The following PRR14L variants were observed in gnomAD, a reference collection of about 807,000 sequenced individuals.
The protein encoded by PRR14L is proline rich 14 like.
Under a neutral mutation model 155.0 loss-of-function variants are expected in PRR14L, and 80 were observed. The observed-to-expected ratio is 0.52, with a 90% CI of 0.43 to 0.62. The LOEUF (loss-of-function observed/expected upper bound fraction) is 0.62. PRR14L is among the 20% of genes least tolerant of loss of function. The pLI, the probability that PRR14L is intolerant of heterozygous loss-of-function variation, is 0.00. For synonymous variants in PRR14L, 883 were observed against 916.0 expected (o/e 0.96, Z 0.65); for missense variants, 2,469 against 2,548.0 (o/e 0.97, Z 0.67).
At chr22:31,688,895 T>TACACACACACACACAC (rs1170285977) in intron 7 of PRR14L, among the ~76,000 whole-genome samples, 56 of 136,282 alleles carry the variant, frequency 4.1e-4, no homozygotes, top group African/African-American at 1.6e-3. Context: ...TTAAAAAATA[T>TACACACACACACACAC]ATACATACAC....
chr22:31,727,530 C>T (rs995946187), intron 2 of PRR14L, among the ~76,000 whole-genome samples: 11 of 152,044 alleles, frequency 7.2e-5, no homozygotes, highest in East Asian at 1.9e-4. Flanking sequence ...CCACCATGCG[C>T]GGCTGATTAG....
intron 1 of PRR14L, among the ~76,000 whole-genome samples, chr22:31,748,326 A>C (rs147135505): frequency 3.8e-4 from 58 of 152,324 alleles, no homozygotes; most frequent in Non-Finnish European, 6.5e-4. Flanking sequence ...TTCATACACT[A>C]AACAGGGCAA....
At chr22:31,687,966 A>G (rs2074490899) in intron 8 of PRR14L, among the ~76,000 whole-genome samples, 190 bp downstream of exon 8, 1 of 148,482 alleles carries the variant, frequency 6.7e-6, no homozygotes, top group Non-Finnish European at 1.5e-5. Flanking sequence ...CAGGAGGCGG[A>G]GCTTGCAGTG....
At chr22:31,744,174 C>T (rs1230586989) in intron 1 of PRR14L, among the ~76,000 whole-genome samples, 1 of 151,074 alleles carries the variant, frequency 6.6e-6, no homozygotes. Context: ...CTCTTGTTGC[C>T]CAGGCTGGAG....
intron 4 of PRR14L, among the ~76,000 whole-genome samples, chr22:31,709,855 G>C (rs5998103): frequency 2.0e-5 from 3 of 150,880 alleles, no homozygotes. Context: ...GGATGGTCTC[G>C]ATCTCTTGAC....
chr22:31,731,868 C>G (rs898127217), intron 2 of PRR14L, among the ~76,000 whole-genome samples: 5 of 152,138 alleles, frequency 3.3e-5, no homozygotes, highest in Admixed American at 2.0e-4. Flanking sequence ...GTGGGCTACC[C>G]TCCCCATTGG....
At chr22:31,709,747 G>T (rs2074611406) in intron 4 of PRR14L, among the ~76,000 whole-genome samples, 1 of 150,760 alleles carries the variant, frequency 6.6e-6, no homozygotes, top group Non-Finnish European at 1.5e-5. Context: ...CCCCATGTTG[G>T]CCAGGCTGGT....
intron 7 of PRR14L, among the ~76,000 whole-genome samples, chr22:31,693,678 A>AT (rs1404203491): frequency 6.6e-6 from 1 of 152,152 alleles, no homozygotes; most frequent in Non-Finnish European, 1.5e-5. Flanking sequence ...ACCATTTTGC[A>AT]TTCCCACCAG....
In PRR14L at chr22:31,738,842, C is replaced by G. The variant is rs2074797424; in HGVS notation, c.19G>C (p.Glu7Gln). Reference protein sequence around the residue: MLSSGVETQPVPLDSSM... With the variant: MLSSGVQTQPVPLDSSM... ...GAATCAAGTGGAACTGGCTGAGTCTCTACTCCAGATGACAGCATTAGGACA... is the reference window on the plus strand; with the variant it reads ...GAATCAAGTGGAACTGGCTGAGTCTGTACTCCAGATGACAGCATTAGGACA... The change falls in exon 2 of 9, where the codon GAG (glutamate) becomes CAG (glutamine). Residue 7 changes from glutamate (E) to glutamine (Q), a missense_variant. This residue lies in a region of PRR14L where 2,363 missense variants were observed against 2,371.6 expected (regional missense o/e 1.00). Coordinates refer to ENST00000327423, the MANE Select transcript of PRR14L (RefSeq NM_173566.3). 4 of 1,542,746 alleles carry G rather than the reference C, an allele frequency of 2.6e-6. No homozygotes were observed. Among genetic ancestry groups the G allele is most frequent in the Non-Finnish European group, 1.7e-6 (2 of 1,146,480 alleles).
intron 3 of PRR14L, among the ~76,000 whole-genome samples, chr22:31,719,123 T>C (rs1480928547): frequency 6.6e-6 from 1 of 151,640 alleles, no homozygotes; most frequent in Non-Finnish European, 1.5e-5. Context: ...AATTCCTGAG[T>C]TTGATGCAGT....
intron 2 of PRR14L, among the ~76,000 whole-genome samples, chr22:31,737,241 G>A (rs1041381209): frequency 1.3e-5 from 2 of 151,674 alleles, no homozygotes; most frequent in African/African-American, 4.8e-5. Context: ...AACATTTTGG[G>A]AGGCCAAGAC....
chr22:31,739,192 A>C (rs1350026611), intron 1 of PRR14L, among the ~76,000 whole-genome samples: 1 of 152,252 alleles, frequency 6.6e-6, no homozygotes, highest in Non-Finnish European at 1.5e-5. Flanking sequence ...GTAGAAGAGA[A>C]TAAGACATGC....
chr22:31,693,813 C>T lies in PRR14L; in HGVS notation c.6108-5586G>A, dbSNP rs186602442. On this transcript the variant is annotated intron_variant, in intron 7 of 8. Transcript: ENST00000327423. ...GTGCTCCTGTTCATTAACACTATTT[C>T]GCTCTATTTAACCTGCTGTTAACCC... Among the ~76,000 whole-genome samples the T allele has an allele frequency of 2.5e-4, 38 of 152,280 alleles. No homozygotes were observed. The East Asian group carries it at 5.6e-3, about 22-fold the overall frequency.
chr22:31,703,274 T>C lies in PRR14L; in HGVS notation c.6000+276A>G, dbSNP rs1319415851. Among the ~76,000 whole-genome samples, 3 of 152,220 alleles carry C rather than the reference T, an allele frequency of 2.0e-5. No homozygotes were observed. The South Asian group carries it at 6.2e-4, about 31-fold the overall frequency. On this transcript the variant is annotated intron_variant, in intron 6 of 8. Transcript: ENST00000327423. ...TCACCATCCACTCATCTTCTTTGAA[T>C]GCACAAAGCAGCTCTTTCGTCCAAT...
In PRR14L at chr22:31,738,740, C is replaced by G; in HGVS notation, c.121G>C (p.Glu41Gln). The G allele has an allele frequency of 6.4e-7, 1 of 1,551,892 alleles. No individual in the cohort carries two copies. Among genetic ancestry groups the G allele is most frequent in the South Asian group, 1.2e-5 (1 of 84,052 alleles). ...TTTACATCTGGAATCACACTTGGCT[C>G]AGGGTCAGCATGAAGCTCTCTGGAG... ...SVSRELHADPEPSVIPDVKPG... is the reference protein window; with the variant it reads ...SVSRELHADPQPSVIPDVKPG... Residue 41 changes from glutamate (E) to glutamine (Q), a missense_variant, in exon 2 of 9, where the codon GAG (glutamate) becomes CAG (glutamine). Physicochemically the swap from Glu to Gln is conservative, Grantham distance 29. Transcript: ENST00000327423.
chr22:31,715,926 G>A lies in PRR14L; in HGVS notation c.1913C>T (p.Thr638Ile), dbSNP rs2074656367. 3.9e-6 allele frequency: 6 copies of A among 1,551,484 alleles called. No homozygotes were observed. The highest frequency in any genetic ancestry group is 1.4e-5 in the African/African-American group (1 of 73,026). ...IACEMNELSC[T>I]NELVVNKVES... is the part of the protein sequence containing the mutation. Reference sequence around the variant, plus strand: ...TACTTTGTTTACAACCAGTTCATTGGTACAAGAAAGTTCATTCATCTCACA... The same window carrying A: ...TACTTTGTTTACAACCAGTTCATTGATACAAGAAAGTTCATTCATCTCACA... The change falls in exon 4 of 9, where the codon ACC becomes ATC. Residue 638 changes from threonine (T) to isoleucine (I), a missense_variant. Coordinates refer to ENST00000327423, the MANE Select transcript of PRR14L (RefSeq NM_173566.3).
intron 2 of PRR14L, among the ~76,000 whole-genome samples, chr22:31,733,661 T>C (rs1451101058): frequency 6.6e-6 from 1 of 152,154 alleles, no homozygotes; most frequent in Non-Finnish European, 1.5e-5. Context: ...TTTTGTTAAA[T>C]GTTGCCAAAC....
intron 5 of PRR14L, among the ~76,000 whole-genome samples, chr22:31,704,164 C>CTGCA (rs2074577686): frequency 6.6e-6 from 1 of 152,192 alleles, no homozygotes. Context: ...TCCAGTCAAC[C>CTGCA]TGCATTCTAG....
chr22:31,746,311 CTGA>C (rs2147879895), intron 1 of PRR14L, among the ~76,000 whole-genome samples: 1 of 152,276 alleles, frequency 6.6e-6, no homozygotes, highest in African/African-American at 2.4e-5. Flanking sequence ...ATAAAAACAG[CTGA>C]TAAGTGTATT....
Sources: allele counts gnomAD v4.1 joint callset (sites outside exome capture counted in the v4.1 genomes callset), GRCh38; gene constraint gnomAD v4.1.1; regional missense constraint gnomAD v4.1.1; transcripts MANE v1.5; gene names NCBI Gene and HGNC (gene_info 2026-07-23, HGNC 2026-07-21).